The following DDX60 variants were observed in gnomAD, a reference collection of about 807,000 sequenced individuals.
DDX60 encodes the protein probable ATP-dependent RNA helicase DDX60.
DDX60 carries 165 observed loss-of-function variants against 212.8 expected under a neutral mutation model. That is an observed-to-expected ratio of 0.78 (90% CI 0.68 to 0.88). The LOEUF is 0.88. Among genes scored for constraint, DDX60 ranks in the 40% least tolerant of loss-of-function variants. DDX60 has a pLI of 0.00. For missense variants in DDX60, 1,905 were observed against 2,003.9 expected (o/e 0.95, Z 0.94); for synonymous variants, 703 against 685.3 (o/e 1.03, Z -0.40).
At position 168,273,255 on chromosome 4, in the gene DDX60, C is replaced by T. The variant is rs776826397; in HGVS notation, c.2574+24G>A. The T allele has an allele frequency of 4.4e-6, 7 of 1,604,922 alleles. 1 individual carries two copies. The highest frequency in any genetic ancestry group is 4.3e-6 in the Non-Finnish European group (5 of 1,175,654). On this transcript the variant is annotated intron_variant, in intron 18 of 37. Coordinates refer to ENST00000393743, the MANE Select transcript of DDX60 (RefSeq NM_017631.6). The stretch of plus-strand genomic sequence containing the variant: ...AGTACAGTTATATAATTTGATAACA[C>T]ACTTATTAATTAAAATACCCTACCT...
chr4:168,238,418 GGGAGGGAAGGGAAGGGA>G lies in DDX60; in HGVS notation c.4165-640_4165-624del, dbSNP rs1560819371. Among the ~76,000 whole-genome samples, 87 of 113,016 alleles carry G rather than the reference GGGAGGGAAGGGAAGGGA, an allele frequency of 7.7e-4. 1 individual carries two copies. The highest frequency in any genetic ancestry group is 2.5e-3 in the African/African-American group (75 of 29,516). The allele number at this position is 113,016 out of a possible 152,430, so 74.1% of individuals were successfully genotyped here. A position where few individuals can be genotyped will look rare whatever the true frequency, so the allele number is the denominator to read the frequency against. On this transcript the variant is annotated intron_variant, in intron 30 of 37. Coordinates refer to ENST00000393743, the MANE Select transcript of DDX60 (RefSeq NM_017631.6). Reference sequence around the variant, plus strand: ...GGAAAGGGAGGGGAGGGGAGGAGAGGGGAGGGAAGGGAAGGGAAGGGAAGGGAAGGGAAGGGAAGGGA... The same window carrying G: ...GGAAAGGGAGGGGAGGGGAGGAGAGGAGGGAAGGGAAGGGAAGGGAAGGGA...
intron 22 of DDX60, among the ~76,000 whole-genome samples, chr4:168,265,086 T>C (rs1734785014): frequency 6.6e-6 from 1 of 152,094 alleles, no homozygotes; most frequent in African/African-American, 2.4e-5. Flanking sequence ...GCTGTTCCTG[T>C]GTGGCATGAA....
At chr4:168,309,436 A>T (rs1024062246) in intron 3 of DDX60, among the ~76,000 whole-genome samples, 4 of 152,084 alleles carry the variant, frequency 2.6e-5, no homozygotes, top group African/African-American at 7.2e-5. Context: ...TTGTAAAAAA[A>T]TTTTTTTAAA....
At chr4:168,279,521 C>T (rs1448641856) in intron 14 of DDX60, among the ~76,000 whole-genome samples, 1 of 152,182 alleles carries the variant, frequency 6.6e-6, no homozygotes, top group Non-Finnish European at 1.5e-5. Flanking sequence ...ATTGCTGATG[C>T]AATAACACTC....
intron 28 of DDX60, among the ~76,000 whole-genome samples, chr4:168,249,778 G>T (rs978333669): frequency 3.3e-5 from 5 of 152,074 alleles, no homozygotes; most frequent in Admixed American, 6.6e-5. Flanking sequence ...TTAGTTAAGA[G>T]AAAAGCATAG....
At chr4:168,219,102 T>C (rs1732953821) in intron 37 of DDX60, among the ~76,000 whole-genome samples, 1 of 149,916 alleles carries the variant, frequency 6.7e-6, no homozygotes, top group South Asian at 2.1e-4. Flanking sequence ...GGCAGCATGG[T>C]GAAATCCCAT....
At chr4:168,271,291 G>C (rs1472421772) in intron 19 of DDX60, among the ~76,000 whole-genome samples, 1 of 152,210 alleles carries the variant, frequency 6.6e-6, no homozygotes, top group Non-Finnish European at 1.5e-5. Flanking sequence ...TCCCAGGGAA[G>C]CTGACCCATA....
rs191013208 is a variant in DDX60, at chr4:168,225,260, C to T, written c.4681+269G>A. Among the ~76,000 whole-genome samples, 8 of 152,146 alleles carry T rather than the reference C, an allele frequency of 5.3e-5. No homozygotes were observed. In the East Asian group the frequency reaches 1.5e-3, roughly 29 times the overall value. On this transcript the variant is annotated intron_variant, in intron 34 of 37. Transcript: ENST00000393743. ...ACAGAATTCGTCTCTAGTTTCTCTT[C>T]ATCTCATAGATGCCCTTACTCAGTT...
intron 37 of DDX60, among the ~76,000 whole-genome samples, chr4:168,217,822 A>C (rs577987535): frequency 2.3e-4 from 35 of 152,168 alleles, no homozygotes; most frequent in Admixed American, 2.6e-4. Flanking sequence ...CAATAAAAGT[A>C]GATTGTCCCT....
At chr4:168,278,447 G>A (rs892554200) in intron 14 of DDX60, among the ~76,000 whole-genome samples, 5 of 152,204 alleles carry the variant, frequency 3.3e-5, no homozygotes, top group African/African-American at 1.2e-4. Flanking sequence ...GGCATCCTCT[G>A]AAATGAGTGA....
intron 12 of DDX60, among the ~76,000 whole-genome samples, chr4:168,283,933 C>T (rs1269194084): frequency 6.6e-6 from 1 of 152,072 alleles, no homozygotes; most frequent in Non-Finnish European, 1.5e-5. Context: ...AAGAAGACAA[C>T]CATCTAAGAT....
rs140772744 is a variant in DDX60, at chr4:168,285,425, T to C, written c.1413A>G (p.Gly471=). 2.9e-4 allele frequency: 470 copies of C among 1,611,384 alleles called. 1 individual carries two copies. The highest frequency in any genetic ancestry group is 5.0e-4 in the Admixed American group (30 of 59,752). The change falls in exon 11 of 38, where the codon GGA becomes GGG. Residue 471 remains glycine (G), a synonymous_variant. Transcript: ENST00000393743. ...TSSFVVDKFA[G]DILKDLPFLK... ...GAAAAGGCAAATCTTTCAAAATATCTCCAGCAAATTTATCAACCACAAAAG... is the reference window on the plus strand; with the variant it reads ...GAAAAGGCAAATCTTTCAAAATATCCCCAGCAAATTTATCAACCACAAAAG...
At chr4:168,254,072 C>T (rs1298644439) in intron 26 of DDX60, among the ~76,000 whole-genome samples, 1 of 152,200 alleles carries the variant, frequency 6.6e-6, no homozygotes, top group Non-Finnish European at 1.5e-5. Flanking sequence ...CAAAGCTCCA[C>T]ATATTATTGC....
chr4:168,243,032 C>T (rs1002335873), intron 30 of DDX60, among the ~76,000 whole-genome samples: 1 of 152,168 alleles, frequency 6.6e-6, no homozygotes, highest in African/African-American at 2.4e-5. Flanking sequence ...AGTTCCCTTG[C>T]ACAAGCTCTC....
At chr4:168,297,855 C>T (rs1183502373) in intron 6 of DDX60, among the ~76,000 whole-genome samples, 1 of 151,860 alleles carries the variant, frequency 6.6e-6, no homozygotes, top group Non-Finnish European at 1.5e-5. Flanking sequence ...CGTGTCACTG[C>T]ACTCTAGCTT....
chr4:168,253,985 A>G (rs1247589888), intron 26 of DDX60, among the ~76,000 whole-genome samples: 2 of 152,228 alleles, frequency 1.3e-5, no homozygotes, highest in African/African-American at 2.4e-5. Context: ...TTACGTGTTA[A>G]GTAACGTTAC....
At chr4:168,233,418 C>T (rs1297733615) in intron 33 of DDX60, among the ~76,000 whole-genome samples, 1 of 151,944 alleles carries the variant, frequency 6.6e-6, no homozygotes, top group Non-Finnish European at 1.5e-5. Context: ...TGCATGTTTA[C>T]AGCAGCACAA....
At chr4:168,218,879 T>C (rs1307650653) in intron 37 of DDX60, among the ~76,000 whole-genome samples, 3 of 152,198 alleles carry the variant, frequency 2.0e-5, no homozygotes, top group African/African-American at 4.8e-5. Context: ...CAAGTCACAT[T>C]AGTCATTCCC....
chr4:168,227,668 G>C (rs1308720134), intron 33 of DDX60, among the ~76,000 whole-genome samples: 2 of 149,848 alleles, frequency 1.3e-5, no homozygotes, highest in African/African-American at 5.1e-5. Flanking sequence ...TGACTTTTCA[G>C]CCTGTATTTT....
Sources: allele counts gnomAD v4.1 joint callset (sites outside exome capture counted in the v4.1 genomes callset), GRCh38; gene constraint gnomAD v4.1.1; transcripts MANE v1.5; gene names NCBI Gene and HGNC (gene_info 2026-07-23, HGNC 2026-07-21).